MGAT5: variants seen among roughly 807,000 people sequenced by gnomAD.
The protein encoded by MGAT5 is alpha-1,6-mannosylglycoprotein 6-beta-N-acetylglucosaminyltransferase A.
In MGAT5, 30 loss-of-function variants were observed where a neutral mutation model predicts 94.3. That is an observed-to-expected ratio of 0.32 (90% CI 0.24 to 0.43). The LOEUF is 0.43. Among genes scored for constraint, MGAT5 ranks in the 20% least tolerant of loss-of-function variants. The probability of loss-of-function intolerance (pLI) is 1.00; values close to 1 mark genes in which losing one functional copy is unlikely to be tolerated. For synonymous variants in MGAT5, 310 were observed against 322.9 expected (o/e 0.96, Z 0.43); for missense variants, 691 against 905.5 (o/e 0.76, Z 3.04).
chr2:134,238,473 T>C (rs1301076451), intron 1 of MGAT5, among the ~76,000 whole-genome samples: 2 of 152,210 alleles, frequency 1.3e-5, no homozygotes, highest in Non-Finnish European at 2.9e-5. Context: ...TTTGACCTTA[T>C]CTGTGCTTTC....
intron 1 of MGAT5, among the ~76,000 whole-genome samples, chr2:134,129,563 C>G (rs924266491): frequency 6.6e-6 from 1 of 152,020 alleles, no homozygotes; most frequent in Admixed American, 6.6e-5. Context: ...AGAAGGTTTA[C>G]TGTTATAGGA....
intron 1 of MGAT5, among the ~76,000 whole-genome samples, chr2:134,175,268 G>A (rs1688406029): frequency 6.6e-6 from 1 of 152,176 alleles, no homozygotes; most frequent in South Asian, 2.1e-4. Context: ...AGAGTGAATA[G>A]GGCAGGCTCT....
chr2:134,427,418 C>T (rs1196938899), intron 13 of MGAT5, among the ~76,000 whole-genome samples: 3 of 152,202 alleles, frequency 2.0e-5, no homozygotes, highest in Non-Finnish European at 4.4e-5. Context: ...CACATTTCTT[C>T]CCCTTCTCCA....
chr2:134,434,269 C>G (rs1204298569), intron 14 of MGAT5, among the ~76,000 whole-genome samples: 1 of 152,198 alleles, frequency 6.6e-6, no homozygotes, highest in Non-Finnish European at 1.5e-5. Flanking sequence ...AGGCGGTGCT[C>G]TCACCTCTTC....
At chr2:134,155,778 T>C (rs1687444685) in intron 1 of MGAT5, among the ~76,000 whole-genome samples, 1 of 152,106 alleles carries the variant, frequency 6.6e-6, no homozygotes, top group Non-Finnish European at 1.5e-5. Flanking sequence ...TACCATGCTC[T>C]CCCCAGCTCC....
chr2:134,153,961 G>A (rs1395462655), intron 1 of MGAT5, among the ~76,000 whole-genome samples: 2 of 152,008 alleles, frequency 1.3e-5, no homozygotes, highest in East Asian at 1.9e-4. Flanking sequence ...AGGGGCAACG[G>A]CAGGGCTGTA....
intron 2 of MGAT5, among the ~76,000 whole-genome samples, chr2:134,274,428 G>T (rs1483049331): frequency 6.6e-6 from 1 of 152,060 alleles, no homozygotes; most frequent in Non-Finnish European, 1.5e-5. Context: ...TTTTTTGTTG[G>T]TCAGGACTGA....
intron 2 of MGAT5, among the ~76,000 whole-genome samples, chr2:134,283,434 A>G (rs541347023): frequency 6.6e-6 from 1 of 152,168 alleles, no homozygotes; most frequent in Non-Finnish European, 1.5e-5. Context: ...CTCGAAAATT[A>G]TGTTAGAGGC....
At chr2:134,400,379 C>T (rs1682969461) in intron 10 of MGAT5, among the ~76,000 whole-genome samples, 1 of 152,152 alleles carries the variant, frequency 6.6e-6, no homozygotes, top group South Asian at 2.1e-4. Context: ...TTGGGATTTT[C>T]ACGTTTATGA....
intron 11 of MGAT5, among the ~76,000 whole-genome samples, chr2:134,410,287 C>T (rs921956010): frequency 6.6e-6 from 1 of 152,168 alleles, no homozygotes; most frequent in African/African-American, 2.4e-5. Flanking sequence ...CTCAGATGTG[C>T]TATTTGACCT....
chr2:134,393,956 G>A (rs1034372394), intron 10 of MGAT5, among the ~76,000 whole-genome samples: 7 of 150,888 alleles, frequency 4.6e-5, no homozygotes, highest in Non-Finnish European at 1.0e-4. Flanking sequence ...AATTCAGGCT[G>A]CCCTTTTTAT....
At chr2:134,159,872 C>A (rs1687651645) in intron 1 of MGAT5, among the ~76,000 whole-genome samples, 1 of 152,124 alleles carries the variant, frequency 6.6e-6, no homozygotes. Context: ...CTCCTTACTC[C>A]CTAGAAGATT....
At chr2:134,123,914 C>G (rs1685725184) in intron 1 of MGAT5, among the ~76,000 whole-genome samples, 1 of 152,166 alleles carries the variant, frequency 6.6e-6, no homozygotes, top group African/African-American at 2.4e-5. Flanking sequence ...TATGGAATCA[C>G]TCTTAGTAGC....
chr2:134,397,631 C>T (rs1682795121), intron 10 of MGAT5, among the ~76,000 whole-genome samples: 1 of 152,206 alleles, frequency 6.6e-6, no homozygotes, highest in Non-Finnish European at 1.5e-5. Context: ...CCCATCACCC[C>T]ATCCCATGGT....
chr2:134,323,595 T>C (rs1687460624), intron 4 of MGAT5, among the ~76,000 whole-genome samples: 1 of 152,090 alleles, frequency 6.6e-6, no homozygotes, highest in Non-Finnish European at 1.5e-5. Flanking sequence ...TCCTTTATGA[T>C]GAAGGAAAAC....
intron 4 of MGAT5, among the ~76,000 whole-genome samples, chr2:134,328,247 G>A (rs1174220381): frequency 1.3e-5 from 2 of 152,036 alleles, no homozygotes; most frequent in African/African-American, 4.8e-5. Context: ...GATATGCTGA[G>A]CAGAACTCTC....
chr2:134,232,849 T>A (rs1283644984), intron 1 of MGAT5, among the ~76,000 whole-genome samples: 3 of 152,236 alleles, frequency 2.0e-5, no homozygotes, highest in African/African-American at 4.8e-5. Context: ...GTGTGTCTTC[T>A]TGTATGTACA....
intron 1 of MGAT5, among the ~76,000 whole-genome samples, chr2:134,194,889 G>T (rs1237502138): frequency 6.6e-6 from 1 of 152,156 alleles, no homozygotes; most frequent in Non-Finnish European, 1.5e-5. Context: ...TCATGTTGCT[G>T]TAAGAACCTC....
chr2:134,336,845 G>A (rs10172155), intron 5 of MGAT5, among the ~76,000 whole-genome samples: 147,747 of 152,282 alleles, frequency 0.97, 71,743 homozygotes, highest in East Asian at 1. Flanking sequence ...TAGGCTGAAG[G>A]TGAAATTGGG....
Sources: gnomAD v4.1 joint callset for allele counts (sites outside exome capture counted in the v4.1 genomes callset) on GRCh38, gnomAD v4.1.1 for gene constraint, MANE v1.5 for transcripts, NCBI Gene and HGNC (gene_info 2026-07-23, HGNC 2026-07-21) for gene names.